SRC: variants seen among roughly 807,000 people sequenced by gnomAD.
SRC encodes proto-oncogene tyrosine-protein kinase Src.
In SRC, 13 loss-of-function variants were observed where a neutral mutation model predicts 62.9. The ratio of observed to expected loss-of-function variants is 0.21; its 90% CI spans 0.13 to 0.33. The LOEUF is 0.33. SRC is among the 10% of genes least tolerant of loss of function. The pLI is 1.00. For missense variants in SRC, 457 were observed against 737.3 expected (o/e 0.62, Z 4.40); for synonymous variants, 302 against 317.5 (o/e 0.95, Z 0.52).
chr20:37,368,776 C>T (rs936793145), intron 2 of SRC, among the ~76,000 whole-genome samples: 2 of 151,916 alleles, frequency 1.3e-5, no homozygotes, highest in South Asian at 2.1e-4. Context: ...TGGTCTCGAT[C>T]TCCTGACCTC....
rs1568616774 is a variant in SRC, at chr20:37,351,970, C to T, written c.-247+5715C>T. On this transcript the variant is annotated intron_variant, in intron 1 of 13. Coordinates refer to ENST00000373578, the MANE Select transcript of SRC (RefSeq NM_198291.3). The surrounding 1 kb of genome is among the most constrained non-coding windows in gnomAD (Gnocchi z 4.4). ...CAGGTGACCCTGACTCTCTGGGTTC[C>T]AGCTCTGGCTGATGGATTCCCCAGT... Among the ~76,000 whole-genome samples, 1 of 152,346 alleles carries T rather than the reference C, an allele frequency of 6.6e-6. No homozygotes were observed. The highest frequency in any genetic ancestry group is 1.9e-4 in the East Asian group (1 of 5,190).
At chr20:37,354,548 G>A (rs2069852313) in intron 1 of SRC, among the ~76,000 whole-genome samples, 1 of 152,220 alleles carries the variant, frequency 6.6e-6, no homozygotes, top group African/African-American at 2.4e-5. Flanking sequence ...TATCCCGCCA[G>A]TGTGTCTCCT....
rs3790149 is a variant in SRC at position 37,389,005 on chromosome 20, C to T, written c.350+2831C>T. Among the ~76,000 whole-genome samples the T allele has an allele frequency of 1.5e-4, 23 of 152,118 alleles. No homozygotes were observed. The East Asian group carries it at 2.9e-3, about 19-fold the overall frequency. On this transcript the variant is annotated intron_variant, in intron 5 of 13. Coordinates refer to ENST00000373578, the MANE Select transcript of SRC (RefSeq NM_198291.3). ...CTGAATCTAGCATGGGGCCCAGGCA[C>T]GTGTGGAGGCTGGGCTGGCTGTCAG...
At chr20:37,375,623 C>T (rs541216314) in intron 2 of SRC, among the ~76,000 whole-genome samples, 1 of 152,210 alleles carries the variant, frequency 6.6e-6, no homozygotes, top group East Asian at 1.9e-4. Context: ...AGTCCGTCTG[C>T]CTCAGCCTCC....
Position 37,386,510 on chromosome 20 carries a change from C to T in SRC, c.350+336C>T, listed in dbSNP as rs1483409992. On this transcript the variant is annotated intron_variant, in intron 5 of 13. Coordinates refer to ENST00000373578, the MANE Select transcript of SRC (RefSeq NM_198291.3). ...CATGCTCCGTGGGCGGCGGGCTGGG[C>T]GGGGTGCTTCGCGGGGGGTGGGGGC... 6.2e-5 allele frequency: 27 copies of T among 434,400 alleles called. No homozygotes were observed. In the East Asian group the frequency reaches 1.0e-3, roughly 17 times the overall value. 26.9% of individuals were successfully genotyped at this position (434,400 alleles called of 1,614,324 possible). A position where few individuals can be genotyped will look rare whatever the true frequency, so the allele number is the denominator to read the frequency against.
intron 5 of SRC, among the ~76,000 whole-genome samples, chr20:37,393,419 C>T (rs781368318): frequency 4.6e-5 from 7 of 152,220 alleles, no homozygotes; most frequent in Non-Finnish European, 8.8e-5. Flanking sequence ...GAGCGGGCTT[C>T]CAAATCTCAG....
chr20:37,375,977 C>T (rs1261845589), intron 2 of SRC, among the ~76,000 whole-genome samples: 3 of 152,210 alleles, frequency 2.0e-5, no homozygotes, highest in Non-Finnish European at 4.4e-5. Context: ...CTAATCCCGT[C>T]ATAAGGACTC....
In SRC at chr20:37,396,638, G is replaced by A. The variant is rs2070656560; in HGVS notation, c.703+327G>A. On this transcript the variant is annotated intron_variant, in intron 8 of 13. Coordinates refer to ENST00000373578, the MANE Select transcript of SRC (RefSeq NM_198291.3). This position sits in a 1 kb window ranked among gnomAD's most constrained non-coding sequence, Gnocchi z 6.1. Reference sequence around the variant, plus strand: ...AGAGTAAGCTGGAAGGGAGGGGACAGAGGCTGGTGTCATTTGTCTCTGTAG... The same window carrying A: ...AGAGTAAGCTGGAAGGGAGGGGACAAAGGCTGGTGTCATTTGTCTCTGTAG... 2.6e-6 allele frequency: 1 copy of A among 381,270 alleles called. No individual in the cohort carries two copies. Among genetic ancestry groups the A allele is most frequent in the African/African-American group, 2.0e-5 (1 of 49,140 alleles). 23.6% of individuals were successfully genotyped at this position (381,270 alleles called of 1,614,324 possible). A position where few individuals can be genotyped will look rare whatever the true frequency, so the allele number is the denominator to read the frequency against.
intron 1 of SRC, among the ~76,000 whole-genome samples, chr20:37,356,306 C>T (rs927434132): frequency 1.3e-5 from 2 of 151,914 alleles, no homozygotes; most frequent in Non-Finnish European, 2.9e-5. Flanking sequence ...TTGGCTGGTG[C>T]CAATGGGTAG....
At chr20:37,363,833 A>G (rs143670421) in intron 1 of SRC, among the ~76,000 whole-genome samples, 25 of 152,260 alleles carry the variant, frequency 1.6e-4, no homozygotes, top group Non-Finnish European at 2.2e-4. Flanking sequence ...CTCGGCTGCT[A>G]AGAGTTGGGA....
intron 1 of SRC, among the ~76,000 whole-genome samples, chr20:37,364,835 C>T (rs1005023039): frequency 9.9e-5 from 15 of 152,176 alleles, no homozygotes; most frequent in South Asian, 2.1e-4. Flanking sequence ...GTGGCTGTCC[C>T]GGGCTTTCCC....
intron 2 of SRC, among the ~76,000 whole-genome samples, chr20:37,373,408 C>G (rs1335167364): frequency 7.0e-6 from 1 of 142,904 alleles, no homozygotes; most frequent in South Asian, 2.1e-4. Context: ...TATATATACG[C>G]ATATATACGC....
At position 37,402,929 on chromosome 20, in the gene SRC, T is replaced by C; in HGVS notation, c.1402+49T>C. ...CTGTGGTCCCTGAATCCCTCTGCCC[T>C]GGTGGCCTTGGGCAAGTCATGACTC... is the stretch of plus-strand genomic sequence containing the variant. On this transcript the variant is annotated intron_variant, in intron 13 of 13. Transcript: ENST00000373578. This position sits in a 1 kb window ranked among gnomAD's most constrained non-coding sequence, Gnocchi z 6.2. 1 of 1,576,672 alleles carries C rather than the reference T, an allele frequency of 6.3e-7. No homozygotes were observed. Among genetic ancestry groups the C allele is most frequent in the Non-Finnish European group, 8.6e-7 (1 of 1,162,736 alleles).
chr20:37,386,229 G>C, intron 5 of SRC, 55 bp downstream of exon 5: 1 of 1,514,818 alleles, frequency 6.6e-7, no homozygotes, highest in Non-Finnish European at 9.2e-7. Flanking sequence ...ACTTCAAAGC[G>C]GGCAGGGGCT....
intron 5 of SRC, among the ~76,000 whole-genome samples, chr20:37,388,809 GA>G (rs1454566540): frequency 6.6e-6 from 1 of 150,526 alleles, no homozygotes. Flanking sequence ...AGAGGAGAGG[GA>G]AAGGGATTTG....
At chr20:37,374,840 G>T (rs1182478334) in intron 2 of SRC, among the ~76,000 whole-genome samples, 2 of 151,810 alleles carry the variant, frequency 1.3e-5, no homozygotes, top group African/African-American at 2.4e-5. Context: ...CTCCCAAAAT[G>T]TTGGGATTAC....
intron 2 of SRC, among the ~76,000 whole-genome samples, chr20:37,373,056 A>T (rs572779171): frequency 2.0e-5 from 3 of 148,146 alleles, no homozygotes; most frequent in African/African-American, 7.9e-5. Context: ...ATATATACAT[A>T]TATACACACA....
rs2069803402 is a variant in SRC at position 37,351,693 on chromosome 20, T to C, written c.-247+5438T>C. Among the ~76,000 whole-genome samples the C allele has an allele frequency of 6.6e-6, 1 of 152,212 alleles. No homozygotes were observed. Among genetic ancestry groups the C allele is most frequent in the South Asian group, 2.1e-4 (1 of 4,834 alleles). Reference sequence around the variant, plus strand: ...ATCTTCATGTCATGCCCTTCTGAGCTGGGTCATAATAAGGTGACCCATTGT... The same window carrying C: ...ATCTTCATGTCATGCCCTTCTGAGCCGGGTCATAATAAGGTGACCCATTGT... On this transcript the variant is annotated intron_variant, in intron 1 of 13. Coordinates refer to ENST00000373578, the MANE Select transcript of SRC (RefSeq NM_198291.3). The surrounding 1 kb of genome is among the most constrained non-coding windows in gnomAD (Gnocchi z 4.4).
At chr20:37,391,042 G>A (rs1158233411) in intron 5 of SRC, among the ~76,000 whole-genome samples, 1 of 152,168 alleles carries the variant, frequency 6.6e-6, no homozygotes, top group African/African-American at 2.4e-5. Context: ...CGCTGAAGTC[G>A]GGTAGCATCG....
Sources: allele counts gnomAD v4.1 joint callset (sites outside exome capture counted in the v4.1 genomes callset), GRCh38; gene constraint gnomAD v4.1.1; non-coding constraint Gnocchi (gnomAD v3.1); transcripts MANE v1.5; gene names NCBI Gene and HGNC (gene_info 2026-07-23, HGNC 2026-07-21).